Variants in CTNNA3 observed in about 807,000 individuals in gnomAD.
CTNNA3 encodes catenin alpha-3.
A neutral mutation model predicts 95.7 loss-of-function variants in CTNNA3; 76 were observed. The observed-to-expected ratio is 0.79, with a 90% CI of 0.66 to 0.96. The LOEUF is 0.96. CTNNA3 is among the 40% of genes least tolerant of loss of function. The pLI, the probability that CTNNA3 is intolerant of heterozygous loss-of-function variation, is 0.00. For missense variants in CTNNA3, 1,191 were observed against 1,089.8 expected, an observed-to-expected ratio of 1.09 and a Z score of -1.31; for synonymous variants, 431 against 374.4, an observed-to-expected ratio of 1.15 and a Z score of -1.74.
intron 7 of CTNNA3, among the ~76,000 whole-genome samples, chr10:67,131,892 G>A (rs1860027615): frequency 6.6e-6 from 1 of 152,032 alleles, no homozygotes; most frequent in African/African-American, 2.4e-5. Context: ...ATGAGAAAGA[G>A]TTTAACTTAG....
intron 5 of CTNNA3, among the ~76,000 whole-genome samples, chr10:67,258,697 A>C (rs1379963772): frequency 6.6e-6 from 1 of 152,214 alleles, no homozygotes; most frequent in Non-Finnish European, 1.5e-5. Flanking sequence ...AGGTTGAATG[A>C]ATCTTAAAAA....
At chr10:67,098,245 A>C (rs997125360) in intron 7 of CTNNA3, 2 of 157,540 alleles carry the variant, frequency 1.3e-5, no homozygotes, top group African/African-American at 4.8e-5. Flanking sequence ...TGTTATTCAG[A>C]GTTACTCAGT....
chr10:66,095,644 T>G (rs527471236), intron 14 of CTNNA3, among the ~76,000 whole-genome samples: 103 of 152,228 alleles, frequency 6.8e-4, no homozygotes, highest in African/African-American at 2.4e-3. Context: ...GGTAACTGCA[T>G]GTAAACAAGC....
At chr10:66,782,752 A>T (rs1468468620) in intron 7 of CTNNA3, among the ~76,000 whole-genome samples, 1 of 152,118 alleles carries the variant, frequency 6.6e-6, no homozygotes, top group African/African-American at 2.4e-5. Flanking sequence ...TAATACATTG[A>T]GTGTTTGTAT....
chr10:67,517,697 T>TAG (rs1273753722), intron 5 of CTNNA3, among the ~76,000 whole-genome samples: 1 of 152,118 alleles, frequency 6.6e-6, no homozygotes, highest in Non-Finnish European at 1.5e-5. Flanking sequence ...CCTCAGTACT[T>TAG]TAACTGCCCA....
At chr10:66,004,297 C>G (rs1426022731) in intron 15 of CTNNA3, among the ~76,000 whole-genome samples, 3 of 152,210 alleles carry the variant, frequency 2.0e-5, no homozygotes, top group African/African-American at 7.2e-5. Flanking sequence ...TATTCTCTGT[C>G]TACCTGAACC....
intron 7 of CTNNA3, among the ~76,000 whole-genome samples, chr10:66,915,560 A>G (rs1419006143): frequency 6.6e-6 from 1 of 151,996 alleles, no homozygotes; most frequent in East Asian, 1.9e-4. Flanking sequence ...AATCCAGGAA[A>G]TAGGGATCCT....
chr10:66,058,898 A>T (rs1267041638), intron 15 of CTNNA3, among the ~76,000 whole-genome samples: 1 of 152,132 alleles, frequency 6.6e-6, no homozygotes, highest in Non-Finnish European at 1.5e-5. Context: ...TTGGGTAACT[A>T]ATCAAAACTT....
At chr10:66,053,111 C>T (rs1418948516) in intron 15 of CTNNA3, among the ~76,000 whole-genome samples, 1 of 152,054 alleles carries the variant, frequency 6.6e-6, no homozygotes, top group Non-Finnish European at 1.5e-5. Context: ...AACTATCTTA[C>T]TGTGTTTTTT....
chr10:67,290,961 T>G (rs1238967734), intron 5 of CTNNA3, among the ~76,000 whole-genome samples: 1 of 152,154 alleles, frequency 6.6e-6, no homozygotes, highest in Non-Finnish European at 1.5e-5. Flanking sequence ...ATGTTGAGTT[T>G]GCTTATTTGT....
At chr10:67,534,188 G>C (rs973139245) in intron 4 of CTNNA3, among the ~76,000 whole-genome samples, 7 of 152,036 alleles carry the variant, frequency 4.6e-5, no homozygotes, top group African/African-American at 1.4e-4. Flanking sequence ...GGGAAAAAAA[G>C]TGTGTTCCCA....
At chr10:66,588,768 G>C (rs1009053839) in intron 10 of CTNNA3, among the ~76,000 whole-genome samples, 1 of 152,062 alleles carries the variant, frequency 6.6e-6, no homozygotes, top group Admixed American at 6.6e-5. Context: ...ATCAATATTA[G>C]GTGCATGAAA....
At chr10:67,655,782 C>CAA (rs11291979) in intron 1 of CTNNA3, among the ~76,000 whole-genome samples, 311 of 95,124 alleles carry the variant, frequency 3.3e-3, no homozygotes, top group African/African-American at 0.01. Context: ...GACTCCGTCT[C>CAA]AAAAAAAAAA....
At chr10:66,545,956 T>C (rs959732015) in intron 10 of CTNNA3, among the ~76,000 whole-genome samples, 3 of 149,844 alleles carry the variant, frequency 2.0e-5, no homozygotes, top group African/African-American at 4.9e-5. Context: ...TTATATATTA[T>C]ATATTTAAAT....
At chr10:67,723,026 G>T in intron 1 of CTNNA3, among the ~76,000 whole-genome samples, 1 of 136,692 alleles carries the variant, frequency 7.3e-6, no homozygotes. Context: ...TCACTCTGTC[G>T]CCCAGGTTGC....
At chr10:66,964,308 A>G (rs1352141407) in intron 7 of CTNNA3, among the ~76,000 whole-genome samples, 2 of 149,788 alleles carry the variant, frequency 1.3e-5, no homozygotes, top group Non-Finnish European at 3.0e-5. Flanking sequence ...TTCAATCTAG[A>G]TGTTTACATT....
chr10:66,883,964 T>C (rs891137378), intron 7 of CTNNA3, among the ~76,000 whole-genome samples: 7 of 152,072 alleles, frequency 4.6e-5, no homozygotes, highest in Non-Finnish European at 2.9e-5. Context: ...GGCTTGAAAG[T>C]TCAAGACTGG....
intron 11 of CTNNA3, among the ~76,000 whole-genome samples, chr10:66,403,698 C>T (rs555494230): frequency 2.0e-5 from 3 of 152,218 alleles, no homozygotes; most frequent in South Asian, 2.1e-4. Flanking sequence ...GGTCCTAAAA[C>T]GGTATTTGCA....
chr10:67,550,013 A>C (rs1280515015), intron 3 of CTNNA3, among the ~76,000 whole-genome samples: 2 of 152,170 alleles, frequency 1.3e-5, no homozygotes, highest in African/African-American at 4.8e-5. Context: ...CTTCATTTTT[A>C]AAAAGTTCAT....
Sources: gnomAD v4.1 joint callset for allele counts (sites outside exome capture counted in the v4.1 genomes callset) on GRCh38, gnomAD v4.1.1 for gene constraint, MANE v1.5 for transcripts, NCBI Gene and HGNC (gene_info 2026-07-23, HGNC 2026-07-21) for gene names.